The following ZFP64 variants were observed in gnomAD, a reference collection of about 807,000 sequenced individuals.
ZFP64 encodes ZFP64 zinc finger protein, also known as zinc finger protein 64.
A neutral mutation model predicts 51.6 loss-of-function variants in ZFP64; 14 were observed. The observed-to-expected ratio is 0.27, with a 90% confidence interval of 0.18 to 0.42. The LOEUF is 0.42. ZFP64 is among the 10% of genes least tolerant of loss of function. ZFP64 has a pLI of 1.00. For missense variants in ZFP64, 754 were observed against 906.8 expected (o/e 0.83, Z 2.16); for synonymous variants, 375 against 361.4 (o/e 1.04, Z -0.43).
At chr20:52,133,599 A>G (rs183609988) in intron 5 of ZFP64, among the ~76,000 whole-genome samples, 197 of 152,328 alleles carry the variant, frequency 1.3e-3, no homozygotes, top group African/African-American at 4.6e-3. Context: ...TTAAAAAGTA[A>G]TATCATTTAC....
In ZFP64 at chr20:52,160,359, T is replaced by C; in HGVS notation, c.527A>G (p.Lys176Arg). Residue 176 changes from lysine (K) to arginine (R), a missense_variant, in exon 5 of 6, where the codon AAG becomes AGG. Physicochemically the swap from Lys to Arg is conservative, Grantham distance 26. Coordinates refer to ENST00000216923, the MANE Select transcript of ZFP64 (RefSeq NM_018197.3). This position sits in a 1 kb window ranked among gnomAD's most constrained non-coding sequence, Gnocchi z 4.2. ...LKIHTGDKPH[K>R]CEVCGKCFSR... ...AAAGCACTTGCCACAGACTTCACAC[T>C]TATGGGGTTTGTCTCCTTCAAACAC... 6.2e-7 allele frequency: 1 copy of C among 1,613,308 alleles called. No homozygotes were observed. The highest frequency in any genetic ancestry group is 1.7e-5 in the Admixed American group (1 of 59,952).
intron 5 of ZFP64, among the ~76,000 whole-genome samples, chr20:52,104,411 G>A (rs1336943737): frequency 3.9e-5 from 6 of 152,202 alleles, no homozygotes; most frequent in Admixed American, 3.3e-4. Context: ...TGGCAGCCGA[G>A]GAGGGGGTGT....
rs773709861 is a variant in ZFP64 at position 52,084,872 on chromosome 20, G to A, written c.1623C>T (p.His541=). The A allele has an allele frequency of 3.6e-5, 58 of 1,613,662 alleles. No individual in the cohort carries two copies. The East Asian group carries it at 9.8e-4, about 27-fold the overall frequency. The change falls in exon 9 of 9, where the codon CAC becomes CAT. Residue 541 remains histidine, a synonymous_variant. Coordinates refer to the ZFP64 transcript ENST00000361387. ...CCTCGTCCCTGTGCACCTTGTCGAC[G>A]TGCTTGGCCAGGCTGCTGGGCCGCT...
chr20:52,152,384 A>T lies in ZFP64; in HGVS notation c.1808T>A (p.Phe603Tyr). 6.2e-7 allele frequency: 1 copy of T among 1,614,216 alleles called. No homozygotes were observed. The highest frequency in any genetic ancestry group is 8.5e-7 in the Non-Finnish European group (1 of 1,180,040). Residue 603 changes from phenylalanine (F) to tyrosine (Y), a missense_variant, in exon 6 of 6, where the codon TTC becomes TAC. Coordinates refer to ENST00000216923, the MANE Select transcript of ZFP64 (RefSeq NM_018197.3). ...GPQEGSGNQT[F>Y]ITSSGITCTD... ...GCAAGTAATACCCGAACTGGTAATG[A>T]AAGTTTGATTGCCAGAGCCTTCCTG...
downstream of ZFP64, among the ~76,000 whole-genome samples, chr20:52,146,530 G>A (rs1183237722): frequency 6.9e-6 from 1 of 144,764 alleles, no homozygotes; most frequent in African/African-American, 2.6e-5. Flanking sequence ...ATTGAACAAT[G>A]AGAACACATG....
At chr20:52,180,412 A>G (rs1396514783) in intron 2 of ZFP64, among the ~76,000 whole-genome samples, 1 of 152,214 alleles carries the variant, frequency 6.6e-6, no homozygotes, top group Admixed American at 6.5e-5. Flanking sequence ...CTAATTAGTT[A>G]CAATTGTGAT....
intron 7 of ZFP64, among the ~76,000 whole-genome samples, chr20:52,088,805 A>T (rs907315808): frequency 6.6e-6 from 1 of 152,206 alleles, no homozygotes; most frequent in Admixed American, 6.5e-5. Context: ...GGGAAACAAG[A>T]ATGTGTATCA....
chr20:52,135,968 GTGTACC>G (rs1485273742), intron 5 of ZFP64, among the ~76,000 whole-genome samples: 2 of 151,638 alleles, frequency 1.3e-5, no homozygotes, highest in African/African-American at 4.8e-5. Context: ...GCATAGTGGT[GTGTACC>G]TGTAGTCCCA....
chr20:52,163,515 G>A (rs1981998715), intron 4 of ZFP64, among the ~76,000 whole-genome samples: 1 of 152,166 alleles, frequency 6.6e-6, no homozygotes, highest in Non-Finnish European at 1.5e-5. Context: ...ATCAATACTT[G>A]AAACTTAATA....
At position 52,107,935 on chromosome 20, in the gene ZFP64, A is replaced by G. The variant is rs190523623; in HGVS notation, c.764-9348T>C. Among the ~76,000 whole-genome samples the G allele has an allele frequency of 3.0e-3, 455 of 152,372 alleles. 2 individuals carry two copies. Among genetic ancestry groups the G allele is most frequent in the African/African-American group, 0.011 (443 of 41,586 alleles). On this transcript the variant is annotated intron_variant, in intron 5 of 8. Transcript: ENST00000361387. ...TACACTTCCCTAGCAAGGTATAAGAAATAACGTAGGTCAGTCTCAGTGGCT... is the reference window on the plus strand; with the variant it reads ...TACACTTCCCTAGCAAGGTATAAGAGATAACGTAGGTCAGTCTCAGTGGCT...
At chr20:52,133,383 G>T (rs1979814428) in intron 5 of ZFP64, among the ~76,000 whole-genome samples, 1 of 152,066 alleles carries the variant, frequency 6.6e-6, no homozygotes, top group South Asian at 2.1e-4. Context: ...AAGATATAAA[G>T]GGCATCCAAA....
chr20:52,153,871 G>T lies in ZFP64; in HGVS notation c.764-443C>A, dbSNP rs561973883. ...ATATTTTCGAATGGGTCAGCTCCGT[G>T]CTGCACTCATTGGAGTATGGTTTTA... On this transcript the variant is annotated intron_variant, in intron 5 of 5. Transcript: ENST00000216923. This position sits in a 1 kb window ranked among gnomAD's most constrained non-coding sequence, Gnocchi z 5.1. Among the ~76,000 whole-genome samples, 1 of 152,258 alleles carries T rather than the reference G, an allele frequency of 6.6e-6. No individual in the cohort carries two copies. Among genetic ancestry groups the T allele is most frequent in the African/African-American group, 2.4e-5 (1 of 41,544 alleles).
At chr20:52,115,282 A>G (rs1978805374) in intron 5 of ZFP64, among the ~76,000 whole-genome samples, 2 of 152,098 alleles carry the variant, frequency 1.3e-5, no homozygotes, top group Non-Finnish European at 2.9e-5. Flanking sequence ...CATTAAAGAA[A>G]AAAAAGCAAG....
chr20:52,130,832 T>A (rs1979688501), intron 5 of ZFP64, among the ~76,000 whole-genome samples: 1 of 152,020 alleles, frequency 6.6e-6, no homozygotes, highest in East Asian at 1.9e-4. Context: ...TCTCAGCACT[T>A]TGGGAGGCTG....
intron 5 of ZFP64, among the ~76,000 whole-genome samples, chr20:52,101,456 G>A (rs1332709343): frequency 5.3e-5 from 8 of 152,136 alleles, no homozygotes; most frequent in Admixed American, 2.0e-4. Flanking sequence ...TGCAAACTCC[G>A]CCTTCCAGGC....
intron 5 of ZFP64, among the ~76,000 whole-genome samples, chr20:52,125,445 C>T (rs1471193528): frequency 6.6e-6 from 1 of 152,182 alleles, no homozygotes; most frequent in Non-Finnish European, 1.5e-5. Flanking sequence ...ACTGGGAAAC[C>T]CTAAGCTGCA....
intron 5 of ZFP64, among the ~76,000 whole-genome samples, chr20:52,116,135 A>G (rs557875630): frequency 7.2e-6 from 1 of 139,536 alleles, no homozygotes; most frequent in East Asian, 2.1e-4. Flanking sequence ...CACCACGTCA[A>G]TATTTCTTTT....
intron 2 of ZFP64, among the ~76,000 whole-genome samples, chr20:52,173,039 C>A (rs568163168): frequency 5.9e-5 from 9 of 152,228 alleles, no homozygotes; most frequent in African/African-American, 2.2e-4. Flanking sequence ...ACATCTATTT[C>A]TCTGAAGTTT....
At chr20:52,128,722 G>A (rs1468471528) in intron 5 of ZFP64, among the ~76,000 whole-genome samples, 1 of 152,114 alleles carries the variant, frequency 6.6e-6, no homozygotes, top group African/African-American at 2.4e-5. Context: ...TCTGAGCTTG[G>A]TCTTCCGTCA....
Sources: gnomAD v4.1 joint callset for allele counts (sites outside exome capture counted in the v4.1 genomes callset) on GRCh38, gnomAD v4.1.1 for gene constraint, Gnocchi (gnomAD v3.1) non-coding constraint, MANE v1.5 for transcripts, NCBI Gene and HGNC (gene_info 2026-07-23, HGNC 2026-07-21) for gene names.